The following GTF3C4 variants were observed in gnomAD, a reference collection of about 807,000 sequenced individuals.
The protein encoded by GTF3C4 is general transcription factor 3C polypeptide 4.
GTF3C4 carries 28 observed loss-of-function variants against 67.5 expected under a neutral mutation model. The ratio of observed to expected loss-of-function variants is 0.41; its 90% CI spans 0.31 to 0.57. The LOEUF (loss-of-function observed/expected upper bound fraction) is 0.57, where lower values mean the gene tolerates loss of function less well. Ranked by LOEUF, GTF3C4 falls within the 20% of genes least tolerant of loss-of-function variation. The probability of loss-of-function intolerance (pLI) is 0.21; values close to 1 mark genes in which losing one functional copy is unlikely to be tolerated. For missense variants in GTF3C4, 831 were observed against 1,033.2 expected (o/e 0.80, Z 2.68); for synonymous variants, 409 against 393.0 (o/e 1.04, Z -0.48).
Position 132,670,648 on chromosome 9 carries a change from C to T in GTF3C4, c.50C>T (p.Ala17Val), listed in dbSNP as rs746264187. 5.4e-6 allele frequency: 8 copies of T among 1,474,610 alleles called. No individual in the cohort carries two copies. Among genetic ancestry groups the T allele is most frequent in the African/African-American group, 1.4e-5 (1 of 68,988 alleles). The allele number at this position is 1,474,610 out of a possible 1,614,324, so 91.3% of individuals were successfully genotyped here. A position where few individuals can be genotyped will look rare whatever the true frequency, so the allele number is the denominator to read the frequency against. ...ARVGPADDGP[A>V]PSGEEEGEGG... The stretch of plus-strand genomic sequence containing the variant: ...GTGGGGCCCGCGGACGACGGGCCTG[C>T]GCCGTCTGGGGAGGAGGAGGGAGAG... The change falls in exon 1 of 5, where the codon GCG becomes GTG. Residue 17 changes from alanine to valine, a missense_variant. Ala to Val is a moderately conservative substitution (Grantham distance 64, BLOSUM62 0). This residue lies in a region of GTF3C4 where 237 missense variants were observed against 212.7 expected (regional missense o/e 1.11). Transcript: ENST00000372146.
Position 132,673,402 on chromosome 9 carries a change from C to T in GTF3C4, c.357+2447C>T, listed in dbSNP as rs571151479. On this transcript the variant is annotated intron_variant, in intron 1 of 4. Transcript: ENST00000372146. ...TATGAAATTAATTAGTAACATCTTC[C>T]CCTTCTGTACTGTTGTTTTTTTTTT... Among the ~76,000 whole-genome samples, 38 of 136,992 alleles carry T rather than the reference C, an allele frequency of 2.8e-4. No homozygotes were observed. The South Asian group carries it at 8.3e-3, about 30-fold the overall frequency. 89.9% of individuals were successfully genotyped at this position (136,992 alleles called of 152,430 possible). A position where few individuals can be genotyped will look rare whatever the true frequency, so the allele number is the denominator to read the frequency against.
At position 132,679,097 on chromosome 9, in the gene GTF3C4, C is replaced by T; in HGVS notation, c.1478C>T (p.Thr493Ile). 6.2e-7 allele frequency: 1 copy of T among 1,614,164 alleles called. No homozygotes were observed. The highest frequency in any genetic ancestry group is 1.1e-5 in the South Asian group (1 of 91,084). Residue 493 changes from threonine (T) to isoleucine (I), a missense_variant, in exon 2 of 5, where the codon ACC becomes ATC. Physicochemically the swap from Thr to Ile is moderately conservative, Grantham distance 89. This residue lies in a region of GTF3C4 where 390 missense variants were observed against 540.3 expected (regional missense o/e 0.72). Transcript: ENST00000372146. This position sits in a 1 kb window ranked among gnomAD's most constrained non-coding sequence, Gnocchi z 5.9. Reference protein sequence around the residue: ...SPCGAYLAIITTEGMINGLHP... With the variant: ...SPCGAYLAIIITEGMINGLHP... ...TGCGGTGCATACCTGGCCATCATCA[C>T]CACTGAGGGCATGATCAACGGCCTC...
upstream of GTF3C4, chr9:132,670,191 C>T (rs1202711926): frequency 1.3e-6 from 2 of 1,582,158 alleles, no homozygotes; most frequent in Non-Finnish European, 1.7e-6. Flanking sequence ...TACATTCGGC[C>T]GAGAGTTCAC....
At chr9:132,670,391 C>G (rs1230167037), upstream of GTF3C4, 1 of 1,170,586 alleles carries the variant, frequency 8.5e-7, no homozygotes, top group African/African-American at 1.6e-5. Context: ...TCCCCGCTCG[C>G]TGTCCTTTTT....
Position 132,690,960 on chromosome 9 carries a change from A to AT in GTF3C4, c.*2020dup, listed in dbSNP as rs908897944. ...AGGTTTTTATTTAAAGCAGTTGTGC[A>AT]TTTTTGAGAAAATGTATTGGGAGTA... On this transcript the variant is annotated 3_prime_UTR_variant, in exon 5 of 5. Transcript: ENST00000372146. 2 of 152,312 alleles carry AT rather than the reference A, an allele frequency of 1.3e-5. No individual in the cohort carries two copies. The highest frequency in any genetic ancestry group is 1.3e-4 in the Admixed American group (2 of 15,300). The allele number at this position is 152,312 out of a possible 1,614,324, so 9.4% of individuals were successfully genotyped here. A position where few individuals can be genotyped will look rare whatever the true frequency, so the allele number is the denominator to read the frequency against.
Position 132,670,537 on chromosome 9 carries a change from CG to C in GTF3C4, c.-59del. The C allele has an allele frequency of 8.0e-7, 1 of 1,256,370 alleles. No homozygotes were observed. The allele number at this position is 1,256,370 out of a possible 1,614,324, so 77.8% of individuals were successfully genotyped here. On this transcript the variant is annotated 5_prime_UTR_variant, in exon 1 of 5. Coordinates refer to ENST00000372146, the MANE Select transcript of GTF3C4 (RefSeq NM_012204.4). ...GGCGCTGGGGGTGGCGGCGGCGGTC[CG>C]GGAGGTGGTCGCGCGACTGCGTGGA...
intron 4 of GTF3C4, 152 bp from the exon 5 acceptor site, chr9:132,688,729 A>G: frequency 1.7e-6 from 1 of 602,738 alleles, no homozygotes; most frequent in Non-Finnish European, 3.0e-6. Flanking sequence ...CGAAGCCCAA[A>G]GAAGTGAAGT....
chr9:132,670,101 G>A (rs1205752255), upstream of GTF3C4: 16 of 1,566,820 alleles, frequency 1.0e-5, no homozygotes, highest in Non-Finnish European at 1.4e-5. Flanking sequence ...CGGCGGCACC[G>A]GGCGGGTAGG....
chr9:132,670,155 C>A, upstream of GTF3C4: 1 of 1,594,542 alleles, frequency 6.3e-7, no homozygotes, highest in Non-Finnish European at 8.6e-7. Context: ...CAGCCCCTCT[C>A]TGCGTCCCTC....
intron 3 of GTF3C4, among the ~76,000 whole-genome samples, chr9:132,685,274 G>A (rs1053985113): frequency 6.6e-6 from 1 of 151,892 alleles, no homozygotes; most frequent in African/African-American, 2.4e-5. Context: ...ACCCACCTTG[G>A]CCTCCCAGAG....
In GTF3C4 at chr9:132,679,027, G is replaced by A; in HGVS notation, c.1408G>A (p.Asp470Asn). 6.2e-7 allele frequency: 1 copy of A among 1,614,218 alleles called. No homozygotes were observed. The highest frequency in any genetic ancestry group is 8.5e-7 in the Non-Finnish European group (1 of 1,180,044). The change falls in exon 2 of 5, where the codon GAT becomes AAT. Residue 470 changes from aspartate (D) to asparagine (N), a missense_variant. Physicochemically the swap from Asp to Asn is conservative, Grantham distance 23. Around this residue, in one of 4 missense-constraint regions of GTF3C4, gnomAD observed 390 missense variants for 540.3 expected, o/e 0.72. Transcript: ENST00000372146. The surrounding 1 kb of genome is among the most constrained non-coding windows in gnomAD (Gnocchi z 5.9). ...KFEHQLIKLS[D>N]VFGSVRTHGI... ...TGAACACCAGTTGATTAAACTCTCA[G>A]ATGTGTTTGGCTCAGTGAGGACTCA...
chr9:132,687,477 T>C, intron 4 of GTF3C4, 150 bp downstream of exon 4: 1 of 601,030 alleles, frequency 1.7e-6, no homozygotes. Flanking sequence ...CTGCTGCTCT[T>C]TACGGTGTTA....
Position 132,670,896 on chromosome 9 carries a change from C to G in GTF3C4, c.298C>G (p.Gln100Glu). The change falls in exon 1 of 5, where the codon CAG becomes GAG. Residue 100 changes from glutamine to glutamate, a missense_variant. Coordinates refer to ENST00000372146, the MANE Select transcript of GTF3C4 (RefSeq NM_012204.4). The part of the protein sequence containing the change: ...ELICDVHNPG[Q>E]DLVIHRTSVP... Reference sequence around the variant, plus strand: ...CATCTGCGACGTGCACAACCCGGGCCAGGACCTGGTTATCCACCGCACCTC... The same window carrying G: ...CATCTGCGACGTGCACAACCCGGGCGAGGACCTGGTTATCCACCGCACCTC... 4 of 1,612,682 alleles carry G rather than the reference C, an allele frequency of 2.5e-6. No homozygotes were observed. The highest frequency in any genetic ancestry group is 3.4e-6 in the Non-Finnish European group (4 of 1,179,974).
chr9:132,688,660 A>G (rs1021365602), intron 4 of GTF3C4, among the ~76,000 whole-genome samples: 5 of 152,168 alleles, frequency 3.3e-5, no homozygotes, highest in Admixed American at 3.3e-4. Context: ...TTCCTGTTTC[A>G]TTACATTTAA....
rs1836155089 is a variant in GTF3C4, at chr9:132,693,760, T to C, written c.*4815T>C. On this transcript the variant is annotated 3_prime_UTR_variant, in exon 5 of 5. Coordinates refer to ENST00000372146, the MANE Select transcript of GTF3C4 (RefSeq NM_012204.4). Reference sequence around the variant, plus strand: ...ACATTTGGCTAGCAGACTGGTAAGGTTTAGGGTTCTCTCCACTAATGGAAA... The same window carrying C: ...ACATTTGGCTAGCAGACTGGTAAGGCTTAGGGTTCTCTCCACTAATGGAAA... The C allele has an allele frequency of 6.6e-6, 1 of 152,194 alleles. No individual in the cohort carries two copies. Among genetic ancestry groups the C allele is most frequent in the Non-Finnish European group, 1.5e-5 (1 of 68,026 alleles). 9.4% of individuals were successfully genotyped at this position (152,194 alleles called of 1,614,324 possible).
chr9:132,694,786 T>A lies in GTF3C4; in HGVS notation c.*5841T>A, dbSNP rs562465968. ...GATTCCCCTCAATTGCTTACATGAT[T>A]CTGGTACTTAGAGTCTAATAGAGTT... is the stretch of plus-strand genomic sequence containing the variant. On this transcript the variant is annotated 3_prime_UTR_variant, in exon 5 of 5. Transcript: ENST00000372146. 1 of 152,336 alleles carries A rather than the reference T, an allele frequency of 6.6e-6. No homozygotes were observed. The highest frequency in any genetic ancestry group is 1.9e-4 in the East Asian group (1 of 5,188). The allele number at this position is 152,336 out of a possible 1,614,324, so 9.4% of individuals were successfully genotyped here. A position where few individuals can be genotyped will look rare whatever the true frequency, so the allele number is the denominator to read the frequency against.
intron 3 of GTF3C4, among the ~76,000 whole-genome samples, chr9:132,685,346 C>T (rs901144232): frequency 1.3e-5 from 2 of 151,988 alleles, no homozygotes; most frequent in African/African-American, 2.4e-5. Flanking sequence ...TTGTGCTACA[C>T]GTACCATATT....
intron 2 of GTF3C4, among the ~76,000 whole-genome samples, chr9:132,682,916 T>C (rs1835967981): frequency 6.6e-6 from 1 of 152,168 alleles, no homozygotes; most frequent in Non-Finnish European, 1.5e-5. Context: ...GAGTGTAATC[T>C]TAAAGCAGAG....
upstream of GTF3C4, chr9:132,670,201 C>T (rs759064233): frequency 1.9e-6 from 3 of 1,575,562 alleles, no homozygotes; most frequent in Non-Finnish European, 2.6e-6. Flanking sequence ...CGAGAGTTCA[C>T]GCTGGGGAAG....
Sources: gnomAD v4.1 joint callset for allele counts (sites outside exome capture counted in the v4.1 genomes callset) on GRCh38, gnomAD v4.1.1 for gene constraint, gnomAD v4.1.1 regional missense constraint, Gnocchi (gnomAD v3.1) non-coding constraint, MANE v1.5 for transcripts, NCBI Gene and HGNC (gene_info 2026-07-23, HGNC 2026-07-21) for gene names.